Variants in LTBP1 observed in about 807,000 individuals in gnomAD.
LTBP1 encodes the protein latent transforming growth factor beta binding protein 1.
A neutral mutation model predicts 207.6 loss-of-function variants in LTBP1; 129 were observed. That is an observed-to-expected ratio of 0.62 (90% confidence interval 0.54 to 0.72). The LOEUF (loss-of-function observed/expected upper bound fraction) is 0.72. LTBP1 is among the 30% of genes least tolerant of loss of function. The pLI is 0.00. For synonymous variants in LTBP1, 963 were observed against 833.7 expected (o/e 1.16, Z -2.67); for missense variants, 2,281 against 2,217.2 (o/e 1.03, Z -0.58).
intron 5 of LTBP1, among the ~76,000 whole-genome samples, chr2:33,176,386 C>T (rs940188185): frequency 3.3e-5 from 5 of 151,918 alleles, no homozygotes; most frequent in East Asian, 1.9e-4. Context: ...CCACCACGCC[C>T]GGCTAATTTT....
chr2:33,075,287 G>A (rs1388886561), intron 3 of LTBP1, among the ~76,000 whole-genome samples: 1 of 152,136 alleles, frequency 6.6e-6, no homozygotes, highest in Admixed American at 6.5e-5. Flanking sequence ...CACATTGCAG[G>A]TTTTCGGTGA....
At chr2:33,387,408 C>G (rs17012924) in intron 31 of LTBP1, among the ~76,000 whole-genome samples, 8,616 of 152,270 alleles carry the variant, frequency 0.057, 269 homozygotes, top group African/African-American at 0.09. Context: ...AATCTTTTTC[C>G]AGGTTCGGCT....
At chr2:33,137,991 GCATAC>G (rs2082280035) in intron 5 of LTBP1, among the ~76,000 whole-genome samples, 2 of 152,200 alleles carry the variant, frequency 1.3e-5, no homozygotes, top group South Asian at 4.1e-4. Flanking sequence ...TGAGAGTCCA[GCATAC>G]CGGGGCTGAA....
intron 5 of LTBP1, among the ~76,000 whole-genome samples, chr2:33,177,248 A>G (rs573979620): frequency 6.6e-6 from 1 of 152,348 alleles, no homozygotes; most frequent in South Asian, 2.1e-4. Context: ...TGCCTTGCAT[A>G]CTAAGCAATT....
At chr2:33,104,244 G>A (rs1337212863) in intron 3 of LTBP1, among the ~76,000 whole-genome samples, 7 of 152,280 alleles carry the variant, frequency 4.6e-5, no homozygotes, top group African/African-American at 1.7e-4. Flanking sequence ...AGTTTTATGC[G>A]ATTGTTTCCC....
chr2:32,948,984 A>C (rs547251529), intron 2 of LTBP1, 39 bp downstream of exon 2: 72 of 1,604,630 alleles, frequency 4.5e-5, no homozygotes, highest in Admixed American at 1.5e-4. Flanking sequence ...CACAGTAGGC[A>C]AAGTGGGGGG....
intron 3 of LTBP1, among the ~76,000 whole-genome samples, chr2:33,037,632 T>A (rs1055461057): frequency 3.9e-5 from 6 of 152,234 alleles, no homozygotes; most frequent in Admixed American, 1.3e-4. Context: ...CCTCTGATTC[T>A]GGCTTGTTTC....
chr2:33,362,286 G>A (rs1011620934), intron 28 of LTBP1, among the ~76,000 whole-genome samples: 1 of 152,044 alleles, frequency 6.6e-6, no homozygotes, highest in Non-Finnish European at 1.5e-5. Context: ...GAAAACTAGT[G>A]TTTGAATAAT....
In LTBP1 at chr2:32,947,607, C is replaced by G; in HGVS notation, c.283C>G (p.Leu95Val). Residue 95 changes from leucine to valine, a missense_variant, in exon 1 of 34, where the codon CTG becomes GTG. Physicochemically the swap from Leu to Val is conservative, Grantham distance 32. Around this residue, in one of 3 missense-constraint regions of LTBP1, gnomAD observed 555 missense variants for 491.0 expected, o/e 1.13. Coordinates refer to ENST00000404816, the MANE Select transcript of LTBP1 (RefSeq NM_206943.4). Reference protein sequence around the residue: ...RRTSKPGGAALQGLRPPPPPP... With the variant: ...RRTSKPGGAAVQGLRPPPPPP... Reference sequence around the variant, plus strand: ...CACGAGCAAGCCGGGCGGCGCGGCCCTGCAGGGGCTCAGACCGCCGCCGCC... The same window carrying G: ...CACGAGCAAGCCGGGCGGCGCGGCCGTGCAGGGGCTCAGACCGCCGCCGCC... The G allele has an allele frequency of 7.5e-7, 1 of 1,332,656 alleles. No homozygotes were observed. The highest frequency in any genetic ancestry group is 9.5e-7 in the Non-Finnish European group (1 of 1,048,150). The allele number at this position is 1,332,656 out of a possible 1,614,324, so 82.6% of individuals were successfully genotyped here. A position where few individuals can be genotyped will look rare whatever the true frequency, so the allele number is the denominator to read the frequency against.
At chr2:33,245,784 G>C (rs919859080) in intron 10 of LTBP1, among the ~76,000 whole-genome samples, 1 of 152,178 alleles carries the variant, frequency 6.6e-6, no homozygotes, top group African/African-American at 2.4e-5. Flanking sequence ...TTTGGATATA[G>C]AGTTTGTTGT....
intron 2 of LTBP1, among the ~76,000 whole-genome samples, chr2:32,997,655 G>T (rs1380767689): frequency 1.3e-5 from 2 of 152,154 alleles, no homozygotes; most frequent in Non-Finnish European, 2.9e-5. Flanking sequence ...TTACCAGGTG[G>T]GTTCAGAGGG....
At chr2:33,387,626 G>A (rs2095278021) in intron 31 of LTBP1, among the ~76,000 whole-genome samples, 1 of 152,056 alleles carries the variant, frequency 6.6e-6, no homozygotes, top group Non-Finnish European at 1.5e-5. Flanking sequence ...GTGTGCACGT[G>A]TGCACATGCA....
chr2:33,173,823 C>T (rs2148496186), intron 5 of LTBP1, among the ~76,000 whole-genome samples: 1 of 145,342 alleles, frequency 6.9e-6, no homozygotes, highest in East Asian at 2.0e-4. Flanking sequence ...AAGGGGGCTT[C>T]ATCCCTGGGA....
rs57363701 is a variant in LTBP1, at chr2:33,005,594, C to CTT, written c.566-15296_566-15295dup. Among the ~76,000 whole-genome samples, 494 of 132,908 alleles carry CTT rather than the reference C, an allele frequency of 3.7e-3. 11 individuals are homozygous for CTT. Among genetic ancestry groups the CTT allele is most frequent in the African/African-American group, 0.012 (426 of 35,162 alleles). The allele number at this position is 132,908 out of a possible 152,430, so 87.2% of individuals were successfully genotyped here. Reference sequence around the variant, plus strand: ...AAGAGAGAGGGAACATAAGCTCTACCTTTTTTTTTTTTTTTTTTTTGAGAC... The same window carrying CTT: ...AAGAGAGAGGGAACATAAGCTCTACCTTTTTTTTTTTTTTTTTTTTTTGAGAC... On this transcript the variant is annotated intron_variant, in intron 2 of 33. Coordinates refer to ENST00000404816, the MANE Select transcript of LTBP1 (RefSeq NM_206943.4).
At chr2:33,217,530 A>G (rs1207012624) in intron 7 of LTBP1, 22 bp from the exon 8 acceptor site, 14 of 1,578,968 alleles carry the variant, frequency 8.9e-6, no homozygotes, top group Non-Finnish European at 1.2e-5. Flanking sequence ...TAACCTTCAT[A>G]TTTCACACCT....
At chr2:33,041,120 CAA>C (rs369622622) in intron 3 of LTBP1, among the ~76,000 whole-genome samples, 165 of 152,298 alleles carry the variant, frequency 1.1e-3, no homozygotes, top group African/African-American at 3.8e-3. Context: ...TGTGTGACCT[CAA>C]AGAATGATTA....
At chr2:33,267,403 T>TA (rs1338707456) in intron 15 of LTBP1, among the ~76,000 whole-genome samples, 1 of 152,182 alleles carries the variant, frequency 6.6e-6, no homozygotes, top group Non-Finnish European at 1.5e-5. Context: ...GCTGGCAAAG[T>TA]GATACCCCAA....
At chr2:33,138,658 T>C (rs1326410354) in intron 5 of LTBP1, among the ~76,000 whole-genome samples, 1 of 152,138 alleles carries the variant, frequency 6.6e-6, no homozygotes, top group African/African-American at 2.4e-5. Flanking sequence ...ACATATAAAT[T>C]CGTGTCACAA....
At chr2:33,058,421 C>G (rs954707928) in intron 3 of LTBP1, among the ~76,000 whole-genome samples, 1 of 152,202 alleles carries the variant, frequency 6.6e-6, no homozygotes, top group African/African-American at 2.4e-5. Flanking sequence ...TTTGCCTAAT[C>G]GAAGCCAGGA....
Sources: gnomAD v4.1 joint callset for allele counts (sites outside exome capture counted in the v4.1 genomes callset) on GRCh38, gnomAD v4.1.1 for gene constraint, gnomAD v4.1.1 regional missense constraint, MANE v1.5 for transcripts, NCBI Gene and HGNC (gene_info 2026-07-23, HGNC 2026-07-21) for gene names.